ZNF565: variants seen among roughly 807,000 people sequenced by gnomAD.
The protein encoded by ZNF565 is zinc finger protein 565.
Under a neutral mutation model 39.4 loss-of-function variants are expected in ZNF565, and 27 were observed. The ratio of observed to expected loss-of-function variants is 0.69; its 90% CI spans 0.51 to 0.95. The LOEUF (loss-of-function observed/expected upper bound fraction) is 0.95. ZNF565 is among the 40% of genes least tolerant of loss of function. ZNF565 has a pLI of 0.00. For synonymous variants in ZNF565, 185 were observed against 216.6 expected, an observed-to-expected ratio of 0.85 and a Z score of 1.28; for missense variants, 524 against 621.1, an observed-to-expected ratio of 0.84 and a Z score of 1.66.
At chr19:36,198,776 T>G (rs928417126) in intron 2 of ZNF565, among the ~76,000 whole-genome samples, 30 of 152,144 alleles carry the variant, frequency 2.0e-4, no homozygotes, top group Non-Finnish European at 3.1e-4. Context: ...TTTTTGTATT[T>G]TTTAGTAGAG....
intron 2 of ZNF565, among the ~76,000 whole-genome samples, chr19:36,196,473 A>AT (rs1353875150): frequency 6.6e-6 from 1 of 152,204 alleles, no homozygotes; most frequent in Non-Finnish European, 1.5e-5. Flanking sequence ...AGGAAGTATA[A>AT]TAAGCACAGT....
Position 36,194,305 on chromosome 19 carries a change from C to A in ZNF565, c.160G>T (p.Val54Phe), listed in dbSNP as rs1599923880. The A allele has an allele frequency of 6.2e-7, 1 of 1,612,076 alleles. No homozygotes were observed. Among genetic ancestry groups the A allele is most frequent in the East Asian group, 2.2e-5 (1 of 44,856 alleles). Residue 54 changes from valine to phenylalanine, a missense_variant, in exon 4 of 5, where the codon GTC becomes TTC. Val to Phe is a conservative substitution (Grantham distance 50). Transcript: ENST00000304116. ...TTCCCTTGCTCCAATAAGGAGACGA[C>A]ATCAGGCTTAGAAATGGAGAGTCCT... Reference protein sequence around the residue: ...SLGLSISKPDVVSLLEQGKEP... With the variant: ...SLGLSISKPDFVSLLEQGKEP...
intron 1 of ZNF565, among the ~76,000 whole-genome samples, chr19:36,222,009 A>T (rs1163296203): frequency 1.4e-5 from 2 of 141,238 alleles, no homozygotes; most frequent in Non-Finnish European, 1.5e-5. Context: ...GGCATACTGC[A>T]GCCTCCAACT....
intron 2 of ZNF565, among the ~76,000 whole-genome samples, chr19:36,196,855 C>T (rs775426143): frequency 6.6e-6 from 1 of 151,662 alleles, no homozygotes; most frequent in African/African-American, 2.4e-5. Flanking sequence ...GTCAGGAGTT[C>T]GAGAACAGCC....
At chr19:36,215,796 G>T (rs890796063), upstream of ZNF565, among the ~76,000 whole-genome samples, 1 of 152,108 alleles carries the variant, frequency 6.6e-6, no homozygotes, top group Middle Eastern at 3.2e-3. Context: ...AGCATTGTAC[G>T]CTTTGAGAAG....
upstream of ZNF565, among the ~76,000 whole-genome samples, chr19:36,219,301 A>G (rs147051552): frequency 2.4e-3 from 364 of 152,272 alleles, 2 homozygotes; most frequent in Non-Finnish European, 4.2e-3. Flanking sequence ...GGTTGGGACT[A>G]CAGGTGTGTG....
upstream of ZNF565, among the ~76,000 whole-genome samples, chr19:36,216,991 C>G: frequency 6.8e-6 from 1 of 146,252 alleles, no homozygotes; most frequent in Non-Finnish European, 1.5e-5. Flanking sequence ...CCTAGGAGGT[C>G]AAGGCTGCAG....
intron 1 of ZNF565, among the ~76,000 whole-genome samples, chr19:36,242,444 A>G (rs1393874733): frequency 6.9e-6 from 1 of 145,826 alleles, no homozygotes; most frequent in Non-Finnish European, 1.5e-5. Flanking sequence ...AAAATGGGCA[A>G]ATTTCTGGGC....
chr19:36,239,491 TA>T (rs202149693), intron 1 of ZNF565, among the ~76,000 whole-genome samples: 55 of 146,062 alleles, frequency 3.8e-4, no homozygotes, highest in South Asian at 4.3e-4. Flanking sequence ...CTGTGCCAAT[TA>T]AAAAAAAAAA....
At chr19:36,240,609 C>A (rs541996887) in intron 1 of ZNF565, among the ~76,000 whole-genome samples, 1 of 152,184 alleles carries the variant, frequency 6.6e-6, no homozygotes, top group African/African-American at 2.4e-5. Context: ...TGGCTCACAC[C>A]TGTAATCTCA....
chr19:36,186,093 T>G (rs565930755), intron 4 of ZNF565, among the ~76,000 whole-genome samples: 56 of 151,366 alleles, frequency 3.7e-4, no homozygotes, highest in African/African-American at 1.3e-3. Flanking sequence ...GCCTCTGGGG[T>G]TCAAGCGATT....
intron 1 of ZNF565, among the ~76,000 whole-genome samples, chr19:36,221,927 C>CTTTTT (rs60347994): frequency 4.7e-3 from 516 of 109,772 alleles, no homozygotes; most frequent in Non-Finnish European, 6.2e-3. Context: ...TTTTTTCTTT[C>CTTTTT]TTTTTTTTTT....
At chr19:36,203,136 A>T (rs1241540683) in intron 1 of ZNF565, among the ~76,000 whole-genome samples, 2 of 152,002 alleles carry the variant, frequency 1.3e-5, no homozygotes, top group African/African-American at 4.8e-5. Context: ...GGAGTTCGAG[A>T]CCAGCCTAAT....
chr19:36,233,474 G>A (rs151256219), intron 1 of ZNF565, among the ~76,000 whole-genome samples: 5 of 152,160 alleles, frequency 3.3e-5, no homozygotes, highest in South Asian at 2.1e-4. Context: ...CCAGGGGACC[G>A]GCGTTAGGGA....
rs747744356 is a variant in ZNF565, at chr19:36,182,986, C to T, written c.980G>A (p.Arg327Gln). 9.9e-6 allele frequency: 16 copies of T among 1,613,928 alleles called. No homozygotes were observed. Among genetic ancestry groups the T allele is most frequent in the African/African-American group, 8.0e-5 (6 of 74,850 alleles). ...RQHSQLTVHQ[R>Q]IHTGEKPYEC... The stretch of plus-strand genomic sequence containing the variant: ...GTAGGGTTTCTCACCAGTGTGGATT[C>T]GCTGGTGTACAGTCAGCTGTGAGTG... The change falls in exon 5 of 5, where the codon CGA becomes CAA. Residue 327 changes from arginine to glutamine, a missense_variant. By Grantham distance (43) the Arg-to-Gln change is conservative (BLOSUM62 1). Transcript: ENST00000304116.
intron 1 of ZNF565, among the ~76,000 whole-genome samples, chr19:36,225,737 C>A (rs1388191722): frequency 1.3e-5 from 2 of 149,258 alleles, no homozygotes; most frequent in African/African-American, 4.9e-5. Flanking sequence ...CAAGCCCTGC[C>A]CCTGCTTTGT....
At chr19:36,191,935 G>C (rs1975561594) in intron 4 of ZNF565, among the ~76,000 whole-genome samples, 1 of 152,004 alleles carries the variant, frequency 6.6e-6, no homozygotes, top group Non-Finnish European at 1.5e-5. Flanking sequence ...ATCAATTACG[G>C]ATGGAAACTT....
chr19:36,196,817 G>C (rs759568625), intron 2 of ZNF565, among the ~76,000 whole-genome samples: 5 of 152,070 alleles, frequency 3.3e-5, no homozygotes, highest in Non-Finnish European at 7.4e-5. Flanking sequence ...CAGCACTTTG[G>C]GAGGCTGAGG....
chr19:36,212,849 G>C (rs1976411145), intron 1 of ZNF565, among the ~76,000 whole-genome samples: 1 of 152,118 alleles, frequency 6.6e-6, no homozygotes, highest in African/African-American at 2.4e-5. Flanking sequence ...GGGTGGTTCT[G>C]AAGTTTCAGA....
Sources: allele counts gnomAD v4.1 joint callset (sites outside exome capture counted in the v4.1 genomes callset), GRCh38; gene constraint gnomAD v4.1.1; transcripts MANE v1.5; gene names NCBI Gene and HGNC (gene_info 2026-07-23, HGNC 2026-07-21).